MED13: variants seen among roughly 807,000 people sequenced by gnomAD.
MED13 encodes the protein mediator of RNA polymerase II transcription subunit 13.
Under a neutral mutation model 225.2 loss-of-function variants are expected in MED13, and 23 were observed. The observed-to-expected ratio is 0.10, with a 90% CI of 0.07 to 0.14. MED13 has a LOEUF of 0.14. Among genes scored for constraint, MED13 ranks in the 10% least tolerant of loss-of-function variants. The pLI is 1.00. For synonymous variants in MED13, 942 were observed against 889.2 expected (o/e 1.06, Z -1.06); for missense variants, 2,197 against 2,594.5 (o/e 0.85, Z 3.33).
chr17:61,986,081 C>G (rs1261522070), intron 12 of MED13, among the ~76,000 whole-genome samples: 1 of 152,108 alleles, frequency 6.6e-6, no homozygotes, highest in African/African-American at 2.4e-5. Flanking sequence ...TGACTACAAT[C>G]TTTTATTTCA....
intron 26 of MED13, among the ~76,000 whole-genome samples, chr17:61,954,076 T>C (rs1052832604): frequency 3.3e-5 from 5 of 152,208 alleles, no homozygotes; most frequent in Non-Finnish European, 7.3e-5. Context: ...AACTATCTTA[T>C]TGTACTGTAC....
chr17:62,041,920 C>T (rs546324255), intron 3 of MED13, among the ~76,000 whole-genome samples: 7 of 152,104 alleles, frequency 4.6e-5, no homozygotes, highest in Admixed American at 3.9e-4. Context: ...ATTTTTATTC[C>T]GTGAATTCAA....
intron 2 of MED13, among the ~76,000 whole-genome samples, chr17:62,053,169 T>TA (rs997548357): frequency 5.2e-4 from 79 of 152,328 alleles, no homozygotes; most frequent in African/African-American, 1.6e-3. Flanking sequence ...ATCAGCATTC[T>TA]AATCCACGAC....
chr17:62,053,894 T>C (rs563547267), intron 2 of MED13, among the ~76,000 whole-genome samples: 1 of 152,220 alleles, frequency 6.6e-6, no homozygotes, highest in African/African-American at 2.4e-5. Flanking sequence ...AGTATGATAG[T>C]GGACTTTAAC....
chr17:61,959,726 CTTTTT>C (rs11288442), intron 23 of MED13, among the ~76,000 whole-genome samples: 3 of 119,668 alleles, frequency 2.5e-5, no homozygotes, highest in Non-Finnish European at 1.7e-5. Flanking sequence ...GAACCCAAAT[CTTTTT>C]TTTTTTTTTT....
intron 12 of MED13, among the ~76,000 whole-genome samples, chr17:61,986,301 C>A (rs1258617821): frequency 6.6e-6 from 1 of 151,914 alleles, no homozygotes; most frequent in African/African-American, 2.4e-5. Flanking sequence ...TGAGAGAGGA[C>A]TAAATGCATA....
At chr17:62,020,179 T>C (rs2080625549) in intron 8 of MED13, among the ~76,000 whole-genome samples, 1 of 152,126 alleles carries the variant, frequency 6.6e-6, no homozygotes. Context: ...TATGCAGTAC[T>C]TTAATGTTAA....
At chr17:62,048,994 C>A (rs2080928150) in intron 3 of MED13, among the ~76,000 whole-genome samples, 1 of 146,938 alleles carries the variant, frequency 6.8e-6, no homozygotes, top group South Asian at 2.2e-4. Context: ...AGAATTCCAA[C>A]ACAGAGGATC....
At chr17:62,014,585 G>A (rs1309490450) in intron 8 of MED13, among the ~76,000 whole-genome samples, 1 of 152,100 alleles carries the variant, frequency 6.6e-6, no homozygotes, top group Non-Finnish European at 1.5e-5. Flanking sequence ...CCAAAATGCT[G>A]GGATTACAGG....
At chr17:62,059,407 C>T (rs1384822084) in intron 2 of MED13, among the ~76,000 whole-genome samples, 1 of 152,150 alleles carries the variant, frequency 6.6e-6, no homozygotes, top group Non-Finnish European at 1.5e-5. Flanking sequence ...ATATTATCAC[C>T]ATAATAAAAA....
Position 61,956,444 on chromosome 17 carries a change from G to A in MED13, c.5518C>T (p.Leu1840=), listed in dbSNP as rs1322566180. The part of the protein sequence containing the change: ...RKKSSARKFG[L]QKLWEWCLGL... Reference sequence around the variant, plus strand: ...AAGCACCACTCCCAAAGTTTCTGTAGACCAAATTTTCTAGCAGAACTTTTT... The same window carrying A: ...AAGCACCACTCCCAAAGTTTCTGTAAACCAAATTTTCTAGCAGAACTTTTT... Residue 1840 remains leucine, a synonymous_variant, in exon 24 of 30, where the codon CTA becomes TTA. Transcript: ENST00000397786. 2 of 1,612,628 alleles carry A rather than the reference G, an allele frequency of 1.2e-6. No individual in the cohort carries two copies. Among genetic ancestry groups the A allele is most frequent in the Non-Finnish European group, 1.7e-6 (2 of 1,179,492 alleles).
chr17:62,013,773 G>A (rs1485337730), intron 8 of MED13, among the ~76,000 whole-genome samples: 1 of 152,198 alleles, frequency 6.6e-6, no homozygotes, highest in African/African-American at 2.4e-5. Context: ...AGATGCAGTG[G>A]CTCACACCTG....
intron 21 of MED13, 143 bp from the exon 22 acceptor site, chr17:61,961,922 T>G: frequency 1.2e-6 from 1 of 808,926 alleles, no homozygotes; most frequent in Non-Finnish European, 1.9e-6. Flanking sequence ...TGTTTTCTTA[T>G]CTATTATGTA....
intron 2 of MED13, among the ~76,000 whole-genome samples, chr17:62,061,048 C>A (rs7222729): frequency 1.3e-5 from 2 of 152,066 alleles, no homozygotes; most frequent in Admixed American, 1.3e-4. Context: ...TTGAAAATTA[C>A]GCTAAAAATC....
intron 16 of MED13, among the ~76,000 whole-genome samples, chr17:61,975,591 T>C (rs149884099): frequency 2.0e-4 from 31 of 152,300 alleles, no homozygotes; most frequent in Middle Eastern, 3.4e-3. Context: ...TGGTGGTGCA[T>C]GCTTGTAATC....
intron 8 of MED13, among the ~76,000 whole-genome samples, chr17:62,020,231 C>CTTT (rs202093070): frequency 2.5e-4 from 36 of 146,462 alleles, no homozygotes; most frequent in African/African-American, 7.0e-4. Context: ...AGCAGCCTTT[C>CTTT]TTTTTTTTTT....
chr17:61,953,381 T>C (rs998946358), intron 26 of MED13, among the ~76,000 whole-genome samples: 4 of 152,200 alleles, frequency 2.6e-5, no homozygotes, highest in Admixed American at 2.0e-4. Flanking sequence ...TAAAAGACTT[T>C]GCAGATGTGA....
chr17:62,044,290 T>C (rs2080880088), intron 3 of MED13, among the ~76,000 whole-genome samples: 2 of 152,188 alleles, frequency 1.3e-5, no homozygotes, highest in South Asian at 2.1e-4. Context: ...GTTTTAATTA[T>C]AAATATAAAG....
chr17:62,063,427 C>A (rs570359547), intron 1 of MED13, 126 bp from the exon 2 acceptor site: 9 of 587,314 alleles, frequency 1.5e-5, no homozygotes, highest in East Asian at 2.8e-5. Context: ...ATATTGACTG[C>A]AAATTAGAAC....
Sources: gnomAD v4.1 joint callset for allele counts (sites outside exome capture counted in the v4.1 genomes callset) on GRCh38, gnomAD v4.1.1 for gene constraint, MANE v1.5 for transcripts, NCBI Gene and HGNC (gene_info 2026-07-23, HGNC 2026-07-21) for gene names.